PLOD2: variants seen among roughly 807,000 people sequenced by gnomAD.
The protein encoded by PLOD2 is lysine hydroxylase 2.
A neutral mutation model predicts 101.0 loss-of-function variants in PLOD2; 65 were observed. The ratio of observed to expected loss-of-function variants is 0.64; its 90% CI spans 0.53 to 0.79. The LOEUF (loss-of-function observed/expected upper bound fraction) is 0.79. Among genes scored for constraint, PLOD2 ranks in the 30% least tolerant of loss-of-function variants. The probability of loss-of-function intolerance (pLI) is 0.00; values close to 1 mark genes in which losing one functional copy is unlikely to be tolerated. For synonymous variants in PLOD2, 314 were observed against 302.9 expected, an observed-to-expected ratio of 1.04 and a Z score of -0.38; for missense variants, 909 against 914.6, an observed-to-expected ratio of 0.99 and a Z score of 0.08.
intron 1 of PLOD2, among the ~76,000 whole-genome samples, chr3:146,155,424 T>G (rs780857078): frequency 9.2e-5 from 14 of 151,952 alleles, no homozygotes; most frequent in Non-Finnish European, 2.1e-4. Flanking sequence ...TGAAAATTAG[T>G]TTCATTGGCC....
At chr3:146,122,668 G>C (rs1000830928) in intron 2 of PLOD2, among the ~76,000 whole-genome samples, 2 of 152,128 alleles carry the variant, frequency 1.3e-5, no homozygotes, top group African/African-American at 4.8e-5. Flanking sequence ...CATGAGGAGA[G>C]AGCAAAAGGA....
At chr3:146,145,150 C>T (rs896141629) in intron 1 of PLOD2, among the ~76,000 whole-genome samples, 3 of 152,156 alleles carry the variant, frequency 2.0e-5, no homozygotes, top group Non-Finnish European at 4.4e-5. Context: ...AAACTGACTA[C>T]ATCCTAGGCA....
At chr3:146,095,361 GA>G (rs139788808) in intron 7 of PLOD2, among the ~76,000 whole-genome samples, 139,967 of 145,188 alleles carry the variant, frequency 0.96, 67,569 homozygotes, top group East Asian at 1. Context: ...AAATTTACAA[GA>G]AAAAAAAAAA....
intron 3 of PLOD2, among the ~76,000 whole-genome samples, chr3:146,111,395 A>G (rs1937630358): frequency 6.6e-6 from 1 of 152,184 alleles, no homozygotes. Context: ...ACTTGATATG[A>G]GAATAACCTT....
intron 3 of PLOD2, among the ~76,000 whole-genome samples, chr3:146,116,254 C>G (rs4681296): frequency 0.089 from 13,464 of 151,990 alleles, 768 homozygotes; most frequent in South Asian, 0.14. Context: ...CACACAGACA[C>G]AGACACACAG....
chr3:146,092,733 G>A (rs530505153), intron 7 of PLOD2, among the ~76,000 whole-genome samples: 62 of 152,146 alleles, frequency 4.1e-4, no homozygotes, highest in Middle Eastern at 3.4e-3. Context: ...ATAGGTGACA[G>A]AGGTAGACAC....
chr3:146,112,057 A>T (rs1937658909), intron 3 of PLOD2, among the ~76,000 whole-genome samples: 1 of 152,158 alleles, frequency 6.6e-6, no homozygotes, highest in African/African-American at 2.4e-5. Flanking sequence ...CTGAGTCTGA[A>T]ATTTTGCAGG....
At chr3:146,103,993 G>T (rs144184145) in intron 6 of PLOD2, among the ~76,000 whole-genome samples, 1 of 152,146 alleles carries the variant, frequency 6.6e-6, no homozygotes, top group African/African-American at 2.4e-5. Flanking sequence ...ATAATAAAGT[G>T]TAATTAATTT....
rs531906071 is a variant in PLOD2, at chr3:146,070,005, T to C, written c.*712A>G. ...TAAGAAATGGAAAGGTTTTCCTAAATCTAATACCTGCTTAATATAATCCAC... is the reference window on the plus strand; with the variant it reads ...TAAGAAATGGAAAGGTTTTCCTAAACCTAATACCTGCTTAATATAATCCAC... On this transcript the variant is annotated 3_prime_UTR_variant, in exon 20 of 20. Coordinates refer to ENST00000282903, the MANE Select transcript of PLOD2 (RefSeq NM_182943.3). The C allele has an allele frequency of 2.6e-5, 4 of 152,090 alleles. No homozygotes were observed. The South Asian group carries it at 8.3e-4, about 31-fold the overall frequency. 9.4% of individuals were successfully genotyped at this position (152,090 alleles called of 1,614,324 possible). A position where few individuals can be genotyped will look rare whatever the true frequency, so the allele number is the denominator to read the frequency against.
At chr3:146,073,082 G>C (rs946700577) in intron 16 of PLOD2, among the ~76,000 whole-genome samples, 7 of 151,454 alleles carry the variant, frequency 4.6e-5, no homozygotes, top group African/African-American at 1.7e-4. Flanking sequence ...TTTTAAAAAG[G>C]CATGCTTTTA....
intron 1 of PLOD2, among the ~76,000 whole-genome samples, chr3:146,137,849 T>C (rs1255532073): frequency 6.6e-6 from 1 of 152,076 alleles, no homozygotes; most frequent in Non-Finnish European, 1.5e-5. Context: ...TTGGTATTTC[T>C]GATTCTAGAT....
chr3:146,076,778 A>G lies in PLOD2; in HGVS notation c.1677+4T>C, dbSNP rs1437665765. On this transcript the variant is annotated splice_donor_region_variant and intron_variant, in intron 15 of 19. Transcript: ENST00000282903. ...AATAATAAAGTTGAGTATGAAATAC[A>G]TACCACAGGATTTTCAAAAATCTGC... The G allele has an allele frequency of 7.6e-7, 1 of 1,309,664 alleles. No homozygotes were observed. The highest frequency in any genetic ancestry group is 1.2e-5 in the South Asian group (1 of 84,006). 81.1% of individuals were successfully genotyped at this position (1,309,664 alleles called of 1,614,324 possible).
intron 1 of PLOD2, among the ~76,000 whole-genome samples, chr3:146,135,827 G>A (rs1212576406): frequency 6.6e-6 from 1 of 151,682 alleles, no homozygotes; most frequent in Non-Finnish European, 1.5e-5. Context: ...TCTGTTGTAT[G>A]AATGAACCAT....
At chr3:146,072,998 G>A (rs554139006) in intron 16 of PLOD2, among the ~76,000 whole-genome samples, 1 of 151,726 alleles carries the variant, frequency 6.6e-6, no homozygotes, top group African/African-American at 2.4e-5. Context: ...CACTGCAAGA[G>A]TTCTACATCA....
chr3:146,071,550 T>C (rs1936137139), intron 17 of PLOD2, 127 bp from the exon 18 acceptor site: 2 of 869,030 alleles, frequency 2.3e-6, no homozygotes, highest in South Asian at 2.9e-5. Flanking sequence ...ATGTGGTATA[T>C]CATCTGCTTT....
intron 1 of PLOD2, among the ~76,000 whole-genome samples, chr3:146,133,845 G>A (rs2031069911): frequency 6.6e-6 from 1 of 152,162 alleles, no homozygotes; most frequent in South Asian, 2.1e-4. Flanking sequence ...GCCAAAATGT[G>A]AGATGGCTGA....
chr3:146,151,453 C>CG (rs2032050243), intron 1 of PLOD2, among the ~76,000 whole-genome samples: 2 of 151,840 alleles, frequency 1.3e-5, no homozygotes, highest in African/African-American at 4.8e-5. Context: ...GCCAAGATCG[C>CG]GCCATTGCAC....
intron 1 of PLOD2, among the ~76,000 whole-genome samples, chr3:146,127,544 T>C (rs1202786968): frequency 2.6e-5 from 4 of 152,064 alleles, no homozygotes; most frequent in Non-Finnish European, 5.9e-5. Context: ...ATCGTATATA[T>C]ATATATCACA....
rs747959261 is a variant in PLOD2 at position 146,071,160 on chromosome 3, G to C, written c.2003C>G (p.Ala668Gly). 1.8e-5 allele frequency: 29 copies of C among 1,611,076 alleles called. No individual in the cohort carries two copies. The highest frequency in any genetic ancestry group is 2.4e-5 in the Non-Finnish European group (28 of 1,178,180). ...GTATTTTACTACAAAATTCAGTAGTGCAAATCCCTGAAAAAGCAAAGTAAG... is the reference window on the plus strand; with the variant it reads ...GTATTTTACTACAAAATTCAGTAGTCCAAATCCCTGAAAAAGCAAAGTAAG... ...VFAGYYTKGF[A>G]LLNFVVKYSP... Residue 668 changes from alanine to glycine, a missense_variant, in exon 19 of 20, where the codon GCA becomes GGA. Physicochemically the swap from Ala to Gly is moderately conservative, Grantham distance 60 (BLOSUM62 0). Coordinates refer to ENST00000282903, the MANE Select transcript of PLOD2 (RefSeq NM_182943.3).
Sources: allele counts gnomAD v4.1 joint callset (sites outside exome capture counted in the v4.1 genomes callset), GRCh38; gene constraint gnomAD v4.1.1; transcripts MANE v1.5; gene names NCBI Gene and HGNC (gene_info 2026-07-23, HGNC 2026-07-21).